ARMC8: variants seen among roughly 807,000 people sequenced by gnomAD.
ARMC8 encodes the protein armadillo repeat-containing protein 8.
A neutral mutation model predicts 99.3 loss-of-function variants in ARMC8; 20 were observed. The ratio of observed to expected loss-of-function variants is 0.20; its 90% CI spans 0.14 to 0.29. The LOEUF (loss-of-function observed/expected upper bound fraction) is 0.29. Ranked by LOEUF, ARMC8 falls within the 10% of genes least tolerant of loss-of-function variation. ARMC8 has a pLI of 1.00. For missense variants in ARMC8, 569 were observed against 809.5 expected, an observed-to-expected ratio of 0.70 and a Z score of 3.60; for synonymous variants, 263 against 278.3, an observed-to-expected ratio of 0.95 and a Z score of 0.55.
intron 18 of ARMC8, among the ~76,000 whole-genome samples, chr3:138,283,287 T>C (rs2050114865): frequency 6.6e-6 from 1 of 152,214 alleles, no homozygotes; most frequent in Non-Finnish European, 1.5e-5. Context: ...TTAGCTTAAT[T>C]AGCTTGTCTT....
intron 17 of ARMC8, among the ~76,000 whole-genome samples, chr3:138,274,146 G>C (rs1323678055): frequency 2.6e-5 from 4 of 151,786 alleles, no homozygotes; most frequent in Non-Finnish European, 4.4e-5. Context: ...TAATATATTT[G>C]GGTTTGAGGA....
At chr3:138,247,915 T>A (rs1371070517) in intron 12 of ARMC8, among the ~76,000 whole-genome samples, 3 of 152,210 alleles carry the variant, frequency 2.0e-5, no homozygotes, top group African/African-American at 7.2e-5. Context: ...CAATAAATAT[T>A]TGTTGAATAA....
chr3:138,264,320 A>G, intron 14 of ARMC8, 108 bp downstream of exon 14: 1 of 763,044 alleles, frequency 1.3e-6, no homozygotes, highest in Non-Finnish European at 2.2e-6. Context: ...TTTTGTGTAG[A>G]GCATTTTGAA....
chr3:138,200,757 A>G (rs949788852), intron 1 of ARMC8, among the ~76,000 whole-genome samples: 6 of 152,120 alleles, frequency 3.9e-5, no homozygotes, highest in African/African-American at 7.2e-5. Context: ...GTGACAGTGT[A>G]TAGTATAAGC....
chr3:138,216,320 G>C (rs2045038607), intron 2 of ARMC8, among the ~76,000 whole-genome samples: 1 of 152,048 alleles, frequency 6.6e-6, no homozygotes, highest in African/African-American at 2.4e-5. Flanking sequence ...AAGTTGATTT[G>C]AGCTGAATTT....
At chr3:138,281,768 A>G (rs1560043091) in intron 18 of ARMC8, among the ~76,000 whole-genome samples, 2 of 152,170 alleles carry the variant, frequency 1.3e-5, no homozygotes, top group South Asian at 2.1e-4. Context: ...GACCTGGTCT[A>G]TTCTGAGGGA....
chr3:138,290,726 T>G, intron 21 of ARMC8, 87 bp downstream of exon 21: 8 of 829,908 alleles, frequency 9.6e-6, no homozygotes, highest in South Asian at 1.7e-5. Context: ...TTAATGGCCA[T>G]ACTTTTTAAA....
chr3:138,265,378 T>C (rs2048180878), intron 14 of ARMC8, among the ~76,000 whole-genome samples: 4 of 152,224 alleles, frequency 2.6e-5, no homozygotes, highest in Admixed American at 2.6e-4. Context: ...TCTATCATTT[T>C]TTTTCTTAAG....
intron 1 of ARMC8, among the ~76,000 whole-genome samples, chr3:138,192,303 A>C (rs1460696091): frequency 8.3e-6 from 1 of 119,786 alleles, no homozygotes; most frequent in African/African-American, 3.4e-5. Flanking sequence ...TTTGAGACGG[A>C]GTCTCCCTCT....
At chr3:138,194,425 C>T (rs1465033146) in intron 1 of ARMC8, among the ~76,000 whole-genome samples, 1 of 149,804 alleles carries the variant, frequency 6.7e-6, no homozygotes, top group East Asian at 2.0e-4. Flanking sequence ...GCAACCTCCG[C>T]CTCCCAGGTT....
intron 14 of ARMC8, among the ~76,000 whole-genome samples, chr3:138,265,982 A>C (rs774475538): frequency 3.9e-5 from 6 of 152,194 alleles, no homozygotes; most frequent in Non-Finnish European, 8.8e-5. Flanking sequence ...ACTACTCAGG[A>C]GCTGTCAGGG....
intron 6 of ARMC8, among the ~76,000 whole-genome samples, chr3:138,233,892 C>T (rs1368949149): frequency 1.3e-5 from 2 of 152,134 alleles, no homozygotes; most frequent in African/African-American, 2.4e-5. Flanking sequence ...TTGGCTTTAG[C>T]TGATTTTTCA....
intron 12 of ARMC8, chr3:138,263,420 C>G: frequency 3.7e-6 from 1 of 271,458 alleles, no homozygotes. Flanking sequence ...TCATTTATTT[C>G]TTTTCCTTTT....
chr3:138,272,149 C>G (rs1392536342), intron 16 of ARMC8, among the ~76,000 whole-genome samples: 2 of 152,178 alleles, frequency 1.3e-5, no homozygotes, highest in Non-Finnish European at 2.9e-5. Context: ...CACCTCCTAC[C>G]CTCTGGAGAG....
At chr3:138,281,584 C>G (rs1424499459) in intron 18 of ARMC8, among the ~76,000 whole-genome samples, 1 of 152,136 alleles carries the variant, frequency 6.6e-6, no homozygotes, top group Non-Finnish European at 1.5e-5. Context: ...AGCCACCGCC[C>G]CGGCCTAATT....
intron 14 of ARMC8, among the ~76,000 whole-genome samples, chr3:138,265,731 T>C: frequency 6.6e-6 from 1 of 151,710 alleles, no homozygotes; most frequent in East Asian, 1.9e-4. Context: ...AGTGGAGCAG[T>C]GGGATATAAT....
At chr3:138,229,065 A>G in intron 6 of ARMC8, 55 bp downstream of exon 6, 1 of 1,315,740 alleles carries the variant, frequency 7.6e-7, no homozygotes, top group South Asian at 1.2e-5. Flanking sequence ...TGCCTTTAAG[A>G]GATGTACCTT....
chr3:138,200,752 A>T (rs916991915), intron 1 of ARMC8, among the ~76,000 whole-genome samples: 1 of 152,126 alleles, frequency 6.6e-6, no homozygotes, highest in African/African-American at 2.4e-5. Context: ...AGTGTGTGAC[A>T]GTGTATAGTA....
At chr3:138,282,573 G>C (rs2050036721) in intron 18 of ARMC8, among the ~76,000 whole-genome samples, 1 of 150,420 alleles carries the variant, frequency 6.6e-6, no homozygotes, top group African/African-American at 2.5e-5. Context: ...TTGAACCCAG[G>C]AGGCAGAGGT....
Sources: allele counts gnomAD v4.1 joint callset (sites outside exome capture counted in the v4.1 genomes callset), GRCh38; gene constraint gnomAD v4.1.1; transcripts MANE v1.5; gene names NCBI Gene and HGNC (gene_info 2026-07-23, HGNC 2026-07-21).